Variants in FAM167A observed in about 807,000 individuals in gnomAD.
FAM167A encodes the protein protein FAM167A.
FAM167A carries 23 observed loss-of-function variants against 14.9 expected under a neutral mutation model. That is an observed-to-expected ratio of 1.55 (90% CI 1.11 to 2.19). The LOEUF is 2.19. Ranked by LOEUF, FAM167A falls within the 30% of genes most tolerant of loss-of-function variation. The probability of loss-of-function intolerance (pLI) is 0.00; values close to 1 mark genes in which losing one functional copy is unlikely to be tolerated. For missense variants in FAM167A, 401 were observed against 281.5 expected, an observed-to-expected ratio of 1.42 and a Z score of -3.04; for synonymous variants, 174 against 117.7, an observed-to-expected ratio of 1.48 and a Z score of -3.10.
At chr8:11,458,993 G>C (rs1807437955) in intron 1 of FAM167A, among the ~76,000 whole-genome samples, 1 of 152,238 alleles carries the variant, frequency 6.6e-6, no homozygotes, top group African/African-American at 2.4e-5. Flanking sequence ...GCTGCTCATG[G>C]CCACCTGCTG....
chr8:11,427,728 G>C (rs1191178960), intron 2 of FAM167A, among the ~76,000 whole-genome samples: 2 of 152,124 alleles, frequency 1.3e-5, no homozygotes, highest in African/African-American at 4.8e-5. Flanking sequence ...GAAAAATCAA[G>C]ATAGAAAGTC....
chr8:11,434,496 C>G (rs868775750), intron 2 of FAM167A, among the ~76,000 whole-genome samples: 9 of 152,178 alleles, frequency 5.9e-5, no homozygotes, highest in African/African-American at 2.2e-4. Context: ...GGTGAGTTTG[C>G]TGGGAGGGAG....
rs10113833 is a variant in FAM167A, at chr8:11,445,572, T to G, written c.-397-764A>C. 3.6e-3 allele frequency: 3,575 copies of G among 985,534 alleles called. 87 individuals are homozygous for G. The African/African-American group carries it at 0.053, about 15-fold the overall frequency. 61.0% of individuals were successfully genotyped at this position (985,534 alleles called of 1,614,324 possible). On this transcript the variant is annotated intron_variant, in intron 1 of 2. Transcript: ENST00000284486. ...ACCTAAGTGCCCGCATGGCAGCACC[T>G]GTTTGGTAAAGACTTCAGCTATGGG...
chr8:11,440,373 C>G (rs753283978), intron 2 of FAM167A, among the ~76,000 whole-genome samples: 6 of 152,214 alleles, frequency 3.9e-5, no homozygotes, highest in Non-Finnish European at 5.9e-5. Context: ...TTGCTGATCC[C>G]TGGGGGGCGT....
rs1044210139 is a variant in FAM167A, at chr8:11,421,646, A to G, written c.*2727T>C. 23 of 398,774 alleles carry G rather than the reference A, an allele frequency of 5.8e-5. No homozygotes were observed. Among genetic ancestry groups the G allele is most frequent in the South Asian group, 1.3e-4 (1 of 7,686 alleles). The allele number at this position is 398,774 out of a possible 1,614,324, so 24.7% of individuals were successfully genotyped here. A position where few individuals can be genotyped will look rare whatever the true frequency, so the allele number is the denominator to read the frequency against. On this transcript the variant is annotated 3_prime_UTR_variant, in exon 3 of 3. Coordinates refer to ENST00000284486, the MANE Select transcript of FAM167A (RefSeq NM_053279.3). ...GTCTTGAACTCGGTCAGGCATCGTC[A>G]AGCCTGCCCAGGCCCTCCAGGCCTC...
intron 1 of FAM167A, among the ~76,000 whole-genome samples, chr8:11,452,535 C>G (rs576003435): frequency 1.3e-5 from 2 of 152,234 alleles, no homozygotes; most frequent in African/African-American, 4.8e-5. Context: ...GTGGCTGCAT[C>G]TGTCTCCCAC....
chr8:11,428,070 T>C (rs1047157150), intron 2 of FAM167A, among the ~76,000 whole-genome samples: 6 of 152,142 alleles, frequency 3.9e-5, no homozygotes, highest in African/African-American at 1.2e-4. Flanking sequence ...CTTTGGAGTG[T>C]TCTGTAATTT....
In FAM167A at chr8:11,461,175, T is replaced by A. The variant is rs188260360; in HGVS notation, c.-398+5451A>T. On this transcript the variant is annotated intron_variant, in intron 1 of 2. Transcript: ENST00000284486. Reference sequence around the variant, plus strand: ...CCAGGGCCACTGCAGGGAGAGGGGCTCTTGGGACGCCCAGTCGCTGGTGTG... The same window carrying A: ...CCAGGGCCACTGCAGGGAGAGGGGCACTTGGGACGCCCAGTCGCTGGTGTG... 2.1e-3 allele frequency among the ~76,000 whole-genome samples: 315 copies of A among 152,286 alleles called. 3 individuals carry two copies. Among genetic ancestry groups the A allele is most frequent in the African/African-American group, 7.2e-3 (298 of 41,564 alleles).
At chr8:11,434,571 G>A (rs1275490633) in intron 2 of FAM167A, among the ~76,000 whole-genome samples, 1 of 152,192 alleles carries the variant, frequency 6.6e-6, no homozygotes, top group African/African-American at 2.4e-5. Flanking sequence ...GGACTCCACA[G>A]GAAGAGTTAA....
At chr8:11,443,651 A>C (rs1335591654) in intron 2 of FAM167A, 3 of 198,994 alleles carry the variant, frequency 1.5e-5, no homozygotes, top group African/African-American at 2.4e-5. Context: ...AGTGGCAGGC[A>C]GCTGGGGTGG....
At chr8:11,467,453 G>A (rs1807818476), upstream of FAM167A, 1 of 152,638 alleles carries the variant, frequency 6.6e-6, no homozygotes, top group Non-Finnish European at 1.5e-5. Flanking sequence ...CCCAGCTTCT[G>A]ACGAGGGGCC....
chr8:11,444,586 C>G lies in FAM167A; in HGVS notation c.-175G>C. ...GTGGCAGGGGAGCTGAGAGGGACCG[C>G]GCAGTGAGCCGCACAGGGCGCCCTC... is the stretch of plus-strand genomic sequence containing the variant. On this transcript the variant is annotated 5_prime_UTR_variant, in exon 2 of 3. Transcript: ENST00000284486. 1 of 1,425,336 alleles carries G rather than the reference C, an allele frequency of 7.0e-7. No individual in the cohort carries two copies. Among genetic ancestry groups the G allele is most frequent in the South Asian group, 1.5e-5 (1 of 65,644 alleles). The allele number at this position is 1,425,336 out of a possible 1,614,324, so 88.3% of individuals were successfully genotyped here. A position where few individuals can be genotyped will look rare whatever the true frequency, so the allele number is the denominator to read the frequency against.
At chr8:11,428,421 G>A (rs892252665) in intron 2 of FAM167A, among the ~76,000 whole-genome samples, 7 of 152,214 alleles carry the variant, frequency 4.6e-5, no homozygotes, top group East Asian at 1.9e-4. Context: ...GCGTTGCCTC[G>A]CACGCCCATG....
At chr8:11,424,710 G>A (rs1172524088) in intron 2 of FAM167A, 74 bp from the exon 3 acceptor site, 2 of 1,564,474 alleles carry the variant, frequency 1.3e-6, no homozygotes, top group African/African-American at 2.7e-5. Flanking sequence ...CTGGTTAGCA[G>A]GGCCCTGACT....
chr8:11,456,481 G>C (rs998287099), intron 1 of FAM167A, among the ~76,000 whole-genome samples: 2 of 131,176 alleles, frequency 1.5e-5, no homozygotes, highest in African/African-American at 5.9e-5. Context: ...TGCTTGGGGG[G>C]TGGTTGCCCT....
intron 2 of FAM167A, among the ~76,000 whole-genome samples, chr8:11,441,749 A>T (rs770823120): frequency 3.3e-5 from 5 of 152,212 alleles, no homozygotes; most frequent in Non-Finnish European, 7.3e-5. Flanking sequence ...AGTGAGGGCA[A>T]TCATGTAGTC....
Position 11,422,528 on chromosome 8 carries a change from C to A in FAM167A, c.*1845G>T, listed in dbSNP as rs907995649. On this transcript the variant is annotated 3_prime_UTR_variant, in exon 3 of 3. Transcript: ENST00000284486. Reference sequence around the variant, plus strand: ...AGGACAGCAGTACATGGTCCTCAGGCCTGCAGACTTCATTGCACAGAGCAT... The same window carrying A: ...AGGACAGCAGTACATGGTCCTCAGGACTGCAGACTTCATTGCACAGAGCAT... 6.6e-6 allele frequency: 1 copy of A among 152,580 alleles called. No homozygotes were observed. The highest frequency in any genetic ancestry group is 1.9e-4 in the East Asian group (1 of 5,198). The allele number at this position is 152,580 out of a possible 1,614,324, so 9.5% of individuals were successfully genotyped here.
chr8:11,460,553 T>C (rs28613753), intron 1 of FAM167A, among the ~76,000 whole-genome samples: 26,207 of 152,296 alleles, frequency 0.17, 2,449 homozygotes, highest in Middle Eastern at 0.33. Context: ...CAGTGTCCTA[T>C]GCTAATGGTT....
At chr8:11,464,844 GCT>G (rs1329980475) in intron 1 of FAM167A, among the ~76,000 whole-genome samples, 2 of 152,306 alleles carry the variant, frequency 1.3e-5, no homozygotes, top group African/African-American at 4.8e-5. Flanking sequence ...TTGGCCTGGG[GCT>G]CTGTGGCTCT....
Sources: gnomAD v4.1 joint callset for allele counts (sites outside exome capture counted in the v4.1 genomes callset) on GRCh38, gnomAD v4.1.1 for gene constraint, MANE v1.5 for transcripts, NCBI Gene and HGNC (gene_info 2026-07-23, HGNC 2026-07-21) for gene names.